DPAGT1: variants seen among roughly 807,000 people sequenced by gnomAD.
DPAGT1 encodes dolichyl-phosphate N-acetylglucosaminephosphotransferase 1.
Under a neutral mutation model 39.3 loss-of-function variants are expected in DPAGT1, and 25 were observed. That is an observed-to-expected ratio of 0.64 (90% CI 0.46 to 0.89). The LOEUF (loss-of-function observed/expected upper bound fraction) is 0.89. DPAGT1 is among the 40% of genes least tolerant of loss of function. DPAGT1 has a pLI of 0.00. For missense variants in DPAGT1, 381 were observed against 500.6 expected (o/e 0.76, Z 2.28); for synonymous variants, 193 against 201.4 (o/e 0.96, Z 0.36).
rs1487954962 is a variant in DPAGT1 at position 119,097,812 on chromosome 11, G to T, written c.917+43C>A. ...TATAGGCTGGCATTAGATATCCCAAGTGAAAAGGCTATGATGTCCATTTCA... is the reference window on the plus strand; with the variant it reads ...TATAGGCTGGCATTAGATATCCCAATTGAAAAGGCTATGATGTCCATTTCA... On this transcript the variant is annotated intron_variant, in intron 6 of 8. Coordinates refer to ENST00000354202, the MANE Select transcript of DPAGT1 (RefSeq NM_001382.4). This position sits in a 1 kb window ranked among gnomAD's most constrained non-coding sequence, Gnocchi z 4.6. 1 of 1,611,490 alleles carries T rather than the reference G, an allele frequency of 6.2e-7. No homozygotes were observed. Among genetic ancestry groups the T allele is most frequent in the Non-Finnish European group, 8.5e-7 (1 of 1,177,908 alleles).
chr11:119,094,959 CCT>C (rs1946365387), downstream of DPAGT1: 1 of 1,594,598 alleles, frequency 6.3e-7, no homozygotes, highest in Non-Finnish European at 8.5e-7. Flanking sequence ...CGGCGCGGGC[CCT>C]CTTAGTACTC....
downstream of DPAGT1, chr11:119,094,955 G>A (rs1393502300): frequency 6.3e-6 from 10 of 1,590,434 alleles, 1 homozygote; most frequent in Admixed American, 3.7e-5. Context: ...GCCGCGGCGC[G>A]GGCCCTCTTA....
chr11:119,100,413 G>C lies in DPAGT1; in HGVS notation c.497-5C>G, dbSNP rs556782038. ...TGTAGACATAGTACAGGATTCCTGC[G>C]GGGAGAGATGGTAGGAAAAGAAGTA... On this transcript the variant is annotated splice_region_variant and splice_polypyrimidine_tract_variant and intron_variant, in intron 3 of 8. Coordinates refer to ENST00000354202, the MANE Select transcript of DPAGT1 (RefSeq NM_001382.4). The C allele has an allele frequency of 1.2e-6, 2 of 1,614,188 alleles. No homozygotes were observed. The highest frequency in any genetic ancestry group is 1.7e-6 in the Non-Finnish European group (2 of 1,180,046).
At chr11:119,098,883 A>T (rs1317551625) in intron 4 of DPAGT1, among the ~76,000 whole-genome samples, 1 of 152,260 alleles carries the variant, frequency 6.6e-6, no homozygotes, top group Non-Finnish European at 1.5e-5. Context: ...TTTAAAAAGT[A>T]CTTAGCTTTA....
Position 119,101,150 on chromosome 11 carries a change from C to T in DPAGT1, c.162-12G>A, listed in dbSNP as rs1592229741. The T allele has an allele frequency of 1.9e-6, 3 of 1,613,900 alleles. No homozygotes were observed. The highest frequency in any genetic ancestry group is 1.7e-5 in the Admixed American group (1 of 60,018). ...CCTGGGATTCTGGGCTGTGGCCCAGCAGCAAGGGGGCGAGGGGGAAGAGGA... is the reference window on the plus strand; with the variant it reads ...CCTGGGATTCTGGGCTGTGGCCCAGTAGCAAGGGGGCGAGGGGGAAGAGGA... On this transcript the variant is annotated splice_polypyrimidine_tract_variant and intron_variant, in intron 1 of 8. Transcript: ENST00000354202.
intron 5 of DPAGT1, 136 bp from the exon 6 acceptor site, chr11:119,098,179 T>A (rs1025208889): frequency 7.9e-7 from 1 of 1,265,328 alleles, no homozygotes; most frequent in African/African-American, 1.5e-5. Context: ...GCAGCAACTC[T>A]GCAGGATCCA....
chr11:119,096,290 G>A (rs1285173331), downstream of DPAGT1, among the ~76,000 whole-genome samples: 1 of 152,182 alleles, frequency 6.6e-6, no homozygotes, highest in African/African-American at 2.4e-5. Flanking sequence ...CCCATGCCAG[G>A]AAACAGGATA....
chr11:119,100,304 T>C lies in DPAGT1; in HGVS notation c.601A>G (p.Ile201Val). The C allele has an allele frequency of 6.2e-7, 1 of 1,614,124 alleles. No individual in the cohort carries two copies. Among genetic ancestry groups the C allele is most frequent in the South Asian group, 1.1e-5 (1 of 91,078 alleles). The stretch of plus-strand genomic sequence containing the variant: ...TTGAAGACAATGATGGAAGCAGAAA[T>C]GACTAGTGACTGGCCAGCCTCTAGG... ...NGLEAGQSLV[I>V]SASIIVFNLV... The change falls in exon 4 of 9, where the codon ATT becomes GTT. Residue 201 changes from isoleucine (I) to valine (V), a missense_variant. By Grantham distance (29) the Ile-to-Val change is conservative (BLOSUM62 3). Coordinates refer to ENST00000354202, the MANE Select transcript of DPAGT1 (RefSeq NM_001382.4).
chr11:119,097,028 A>C lies in DPAGT1; in HGVS notation c.1197T>G (p.Tyr399Ter). 2 of 1,614,194 alleles carry C rather than the reference A, an allele frequency of 1.2e-6. No homozygotes were observed. The highest frequency in any genetic ancestry group is 1.7e-6 in the Non-Finnish European group (2 of 1,180,036). ...LGSAITFSIR[Y>*]QLVRLFYDV ...CATCATAGAAGAGTCGAACGAGCTG[A>C]TATCGAATGGAGAAGGTGATGGCAC... The change falls in exon 9 of 9, where the codon TAT becomes TAG. Residue 399 changes from tyrosine (Y) to a stop codon, truncating the protein, a stop_gained. Coordinates refer to ENST00000354202, the MANE Select transcript of DPAGT1 (RefSeq NM_001382.4). LOFTEE classifies it high-confidence loss of function. The surrounding 1 kb of genome is among the most constrained non-coding windows in gnomAD (Gnocchi z 4.6).
Position 119,097,179 on chromosome 11 carries a change from T to G in DPAGT1, c.1124A>C (p.His375Pro), listed in dbSNP as rs750564616. 1.2e-6 allele frequency: 2 copies of G among 1,614,156 alleles called. No individual in the cohort carries two copies. Among genetic ancestry groups the G allele is most frequent in the East Asian group, 4.5e-5 (2 of 44,884 alleles). The change falls in exon 8 of 9, where the codon CAT (histidine) becomes CCT (proline). Residue 375 changes from histidine (H) to proline (P), a missense_variant. By Grantham distance (77) the His-to-Pro change is moderately conservative (BLOSUM62 -2). Coordinates refer to ENST00000354202, the MANE Select transcript of DPAGT1 (RefSeq NM_001382.4). The surrounding 1 kb of genome is among the most constrained non-coding windows in gnomAD (Gnocchi z 4.6). Reference sequence around the variant, plus strand: ...CAGGAGCAATGTGAGGTTTCTCTCATGTATGGGCCCAAGGACTTTAAGTAG... The same window carrying G: ...CAGGAGCAATGTGAGGTTTCTCTCAGGTATGGGCCCAAGGACTTTAAGTAG... ...NLLLKVLGPI[H>P]ERNLTLLLLL...
At chr11:119,096,019 G>GCGATCT (rs1946386028), downstream of DPAGT1, among the ~76,000 whole-genome samples, 3 of 152,088 alleles carry the variant, frequency 2.0e-5, no homozygotes, top group Non-Finnish European at 2.9e-5. Context: ...AGGCTGGAGT[G>GCGATCT]CAGTAGTGTG....
At position 119,096,660 on chromosome 11, in the gene DPAGT1, A is replaced by G; in HGVS notation, c.*338T>C. On this transcript the variant is annotated 3_prime_UTR_variant, in exon 9 of 9. Coordinates refer to ENST00000354202, the MANE Select transcript of DPAGT1 (RefSeq NM_001382.4). Reference sequence around the variant, plus strand: ...TGGCCCAAGTTCTATCCCAAAAACCAGTGGTTCCTTGAGAGTCAGGACTCT... The same window carrying G: ...TGGCCCAAGTTCTATCCCAAAAACCGGTGGTTCCTTGAGAGTCAGGACTCT... 1 of 419,534 alleles carries G rather than the reference A, an allele frequency of 2.4e-6. No individual in the cohort carries two copies. The highest frequency in any genetic ancestry group is 3.9e-5 in the Admixed American group (1 of 25,656). The allele number at this position is 419,534 out of a possible 1,614,324, so 26.0% of individuals were successfully genotyped here.
intron 4 of DPAGT1, 124 bp from the exon 5 acceptor site, chr11:119,098,611 A>T: frequency 1.1e-6 from 1 of 892,908 alleles, no homozygotes; most frequent in Non-Finnish European, 1.8e-6. Flanking sequence ...CACTTTTAAG[A>T]ACTCAATACT....
chr11:119,097,726 T>C lies in DPAGT1; in HGVS notation c.917+129A>G. On this transcript the variant is annotated intron_variant, in intron 6 of 8. Transcript: ENST00000354202. This position sits in a 1 kb window ranked among gnomAD's most constrained non-coding sequence, Gnocchi z 4.6. ...GCAAATAAATGTGCTTTGTAAGTTATAAAGGGCTACTCACATGGAAATAGC... is the reference window on the plus strand; with the variant it reads ...GCAAATAAATGTGCTTTGTAAGTTACAAAGGGCTACTCACATGGAAATAGC... 1 of 1,460,346 alleles carries C rather than the reference T, an allele frequency of 6.8e-7. No homozygotes were observed. Among genetic ancestry groups the C allele is most frequent in the Non-Finnish European group, 9.6e-7 (1 of 1,044,628 alleles). 90.5% of individuals were successfully genotyped at this position (1,460,346 alleles called of 1,614,324 possible). A position where few individuals can be genotyped will look rare whatever the true frequency, so the allele number is the denominator to read the frequency against.
chr11:119,094,856 C>T (rs958914841), downstream of DPAGT1: 9 of 1,199,168 alleles, frequency 7.5e-6, no homozygotes, highest in South Asian at 6.4e-5. Context: ...CCGCTTGCCC[C>T]GCAGTCTGAA....
rs776333979 is a variant in DPAGT1 at position 119,101,142 on chromosome 11, T to C, written c.162-4A>G. The C allele has an allele frequency of 1.2e-6, 2 of 1,613,860 alleles. No individual in the cohort carries two copies. Among genetic ancestry groups the C allele is most frequent in the Non-Finnish European group, 1.7e-6 (2 of 1,179,992 alleles). ...GATCACTCCCTGGGATTCTGGGCTGTGGCCCAGCAGCAAGGGGGCGAGGGG... is the reference window on the plus strand; with the variant it reads ...GATCACTCCCTGGGATTCTGGGCTGCGGCCCAGCAGCAAGGGGGCGAGGGG... On this transcript the variant is annotated splice_region_variant and splice_polypyrimidine_tract_variant and intron_variant, in intron 1 of 8. Coordinates refer to ENST00000354202, the MANE Select transcript of DPAGT1 (RefSeq NM_001382.4).
intron 5 of DPAGT1, 22 bp from the exon 6 acceptor site, chr11:119,098,065 G>T (rs368764050): frequency 6.2e-7 from 1 of 1,613,632 alleles, no homozygotes; most frequent in African/African-American, 1.3e-5. Flanking sequence ...AAGAGGATCC[G>T]AGCCAGTGGC....
downstream of DPAGT1, chr11:119,094,833 A>T (rs1028847744): frequency 3.0e-6 from 3 of 983,822 alleles, no homozygotes; most frequent in Middle Eastern, 3.3e-4. Context: ...GGGGAGGGGA[A>T]GGGAGCCGCG....
rs2134900032 is a variant in DPAGT1 at position 119,097,669 on chromosome 11, T to G, written c.918-118A>C. 2 of 1,434,352 alleles carry G rather than the reference T, an allele frequency of 1.4e-6. No individual in the cohort carries two copies. The highest frequency in any genetic ancestry group is 4.5e-5 in the East Asian group (2 of 43,984). The allele number at this position is 1,434,352 out of a possible 1,614,324, so 88.9% of individuals were successfully genotyped here. On this transcript the variant is annotated intron_variant, in intron 6 of 8. Coordinates refer to ENST00000354202, the MANE Select transcript of DPAGT1 (RefSeq NM_001382.4). The surrounding 1 kb of genome is among the most constrained non-coding windows in gnomAD (Gnocchi z 4.6). ...TGAGATCTATTTCTGGCTCTGCTGC[T>G]TACTGTTATCAGAACCACTGTAGCA...
Sources: allele counts gnomAD v4.1 joint callset (sites outside exome capture counted in the v4.1 genomes callset), GRCh38; gene constraint gnomAD v4.1.1; non-coding constraint Gnocchi (gnomAD v3.1); transcripts MANE v1.5; gene names NCBI Gene and HGNC (gene_info 2026-07-23, HGNC 2026-07-21).